The following NRXN3 variants were observed in gnomAD, a reference collection of about 807,000 sequenced individuals.
The protein encoded by NRXN3 is neurexin III.
A neutral mutation model predicts 137.6 loss-of-function variants in NRXN3; 32 were observed. That is an observed-to-expected ratio of 0.23 (90% confidence interval 0.18 to 0.31). NRXN3 has a LOEUF of 0.31. Among genes scored for constraint, NRXN3 ranks in the 10% least tolerant of loss-of-function variants. The pLI is 1.00. For synonymous variants in NRXN3, 798 were observed against 784.5 expected (o/e 1.02, Z -0.29); for missense variants, 1,574 against 2,062.5 (o/e 0.76, Z 4.59).
At chr14:79,030,524 A>T (rs551992306) in intron 15 of NRXN3, among the ~76,000 whole-genome samples, 2 of 151,760 alleles carry the variant, frequency 1.3e-5, no homozygotes, top group Non-Finnish European at 2.9e-5. Context: ...CTACAATTCA[A>T]TCTTTTTTAT....
At chr14:78,814,214 A>T (rs1388351719) in intron 10 of NRXN3, among the ~76,000 whole-genome samples, 1 of 152,192 alleles carries the variant, frequency 6.6e-6, no homozygotes, top group Non-Finnish European at 1.5e-5. Context: ...TAATACACTT[A>T]ATACATATAG....
In NRXN3 at chr14:79,100,213, C is replaced by T. The variant is rs541538058; in HGVS notation, c.3262+112072C>T. The stretch of plus-strand genomic sequence containing the variant: ...AAATAGACCTCTGAATCTGTTTTAG[C>T]GACTGCAGTGACAGTCTGTATGTAT... On this transcript the variant is annotated intron_variant, in intron 15 of 20. Transcript: ENST00000335750. Among the ~76,000 whole-genome samples, 5 of 152,246 alleles carry T rather than the reference C, an allele frequency of 3.3e-5. No homozygotes were observed. In the East Asian group the frequency reaches 5.8e-4, roughly 18 times the overall value.
intron 15 of NRXN3, among the ~76,000 whole-genome samples, chr14:79,152,473 T>A (rs2059889468): frequency 6.6e-6 from 1 of 152,018 alleles, no homozygotes; most frequent in African/African-American, 2.4e-5. Context: ...ATTAGTCTGT[T>A]CTCACACTGC....
intron 7 of NRXN3, among the ~76,000 whole-genome samples, chr14:78,710,435 A>G (rs1595027791): frequency 1.3e-5 from 2 of 152,292 alleles, no homozygotes; most frequent in South Asian, 2.1e-4. Flanking sequence ...CTAGCTTTCT[A>G]TGGACCATGT....
At chr14:79,577,196 G>C (rs2097673339) in intron 16 of NRXN3, among the ~76,000 whole-genome samples, 1 of 152,212 alleles carries the variant, frequency 6.6e-6, no homozygotes, top group African/African-American at 2.4e-5. Flanking sequence ...TTGTGGAACT[G>C]TGAGTCCATT....
chr14:79,180,169 T>C (rs1372878503), intron 15 of NRXN3, among the ~76,000 whole-genome samples: 6 of 143,596 alleles, frequency 4.2e-5, no homozygotes, highest in Non-Finnish European at 1.6e-5. Context: ...GTATTGATTG[T>C]GCATTATCAG....
intron 4 of NRXN3, among the ~76,000 whole-genome samples, chr14:78,589,289 T>C (rs903620545): frequency 6.6e-6 from 1 of 152,182 alleles, no homozygotes; most frequent in Non-Finnish European, 1.5e-5. Context: ...CTAAGCAGGC[T>C]GCTGCCTTTG....
intron 19 of NRXN3, among the ~76,000 whole-genome samples, chr14:79,763,457 G>T (rs1355234576): frequency 2.5e-5 from 2 of 79,922 alleles, no homozygotes; most frequent in Non-Finnish European, 5.9e-5. Flanking sequence ...TTGTTTTTAA[G>T]GACAGGTTGC....
At chr14:79,408,157 T>G (rs540461153) in intron 15 of NRXN3, among the ~76,000 whole-genome samples, 2 of 152,244 alleles carry the variant, frequency 1.3e-5, no homozygotes, top group East Asian at 1.9e-4. Flanking sequence ...GTGCCCGGCA[T>G]GTAAGGAGTG....
chr14:78,880,419 G>A (rs867358339), intron 10 of NRXN3, among the ~76,000 whole-genome samples: 1 of 152,116 alleles, frequency 6.6e-6, no homozygotes, highest in African/African-American at 2.4e-5. Flanking sequence ...AGATGTGGCT[G>A]TAACTGGGAG....
chr14:79,341,965 A>G (rs959869329), intron 15 of NRXN3, among the ~76,000 whole-genome samples: 2 of 152,360 alleles, frequency 1.3e-5, no homozygotes, highest in Admixed American at 6.5e-5. Context: ...TGACGTTAGC[A>G]TACGAGGCTC....
chr14:78,475,051 G>A (rs1305530633), intron 4 of NRXN3, among the ~76,000 whole-genome samples: 1 of 152,168 alleles, frequency 6.6e-6, no homozygotes, highest in Non-Finnish European at 1.5e-5. Flanking sequence ...TAACTTAATT[G>A]CAAGGTATTG....
In NRXN3 at chr14:79,565,265, ATGTG is replaced by A. The variant is rs33917859; in HGVS notation, c.3444+97871_3444+97874del. Among the ~76,000 whole-genome samples, 1,312 of 140,542 alleles carry A rather than the reference ATGTG, an allele frequency of 9.3e-3. 17 individuals carry two copies. The highest frequency in any genetic ancestry group is 0.026 in the Middle Eastern group (7 of 268). The allele number at this position is 140,542 out of a possible 152,430, so 92.2% of individuals were successfully genotyped here. On this transcript the variant is annotated intron_variant, in intron 16 of 20. Transcript: ENST00000335750. ...TGTGTGTGTATATATACATATACAC[ATGTG>A]TGTGTGTATACATATACGCACACAT...
chr14:78,599,871 G>C (rs915999864), intron 4 of NRXN3, among the ~76,000 whole-genome samples: 4 of 152,210 alleles, frequency 2.6e-5, no homozygotes, highest in Non-Finnish European at 4.4e-5. Context: ...GCTGCCTGGT[G>C]GTGGGGAAGA....
intron 15 of NRXN3, among the ~76,000 whole-genome samples, chr14:79,073,406 C>T (rs1184511250): frequency 6.6e-6 from 1 of 152,024 alleles, no homozygotes; most frequent in Non-Finnish European, 1.5e-5. Context: ...ATCTTAAAGA[C>T]AAATTGGCAT....
intron 15 of NRXN3, among the ~76,000 whole-genome samples, chr14:79,047,583 C>T (rs8011832): frequency 0.38 from 57,390 of 151,916 alleles, 11,330 homozygotes; most frequent in Admixed American, 0.49. Context: ...GTATTCACAA[C>T]ATATGAGGAT....
intron 10 of NRXN3, among the ~76,000 whole-genome samples, chr14:78,873,368 GT>G (rs2099105911): frequency 6.6e-6 from 1 of 152,134 alleles, no homozygotes; most frequent in African/African-American, 2.4e-5. Context: ...TAGAAAGCTT[GT>G]GTTTAGTCCA....
intron 15 of NRXN3, among the ~76,000 whole-genome samples, chr14:79,235,987 G>C (rs891077435): frequency 1.8e-4 from 27 of 152,088 alleles, no homozygotes; most frequent in African/African-American, 6.0e-4. Flanking sequence ...CCAAACACCA[G>C]ATCCTCCAAA....
intron 15 of NRXN3, among the ~76,000 whole-genome samples, chr14:79,422,625 G>A (rs896056057): frequency 6.6e-6 from 1 of 151,640 alleles, no homozygotes; most frequent in Non-Finnish European, 1.5e-5. Flanking sequence ...AATAAAGTAA[G>A]TCCAGACCCG....
Sources: allele counts gnomAD v4.1 joint callset (sites outside exome capture counted in the v4.1 genomes callset), GRCh38; gene constraint gnomAD v4.1.1; transcripts MANE v1.5; gene names NCBI Gene and HGNC (gene_info 2026-07-23, HGNC 2026-07-21).